DYNC2LI1: variants seen among roughly 807,000 people sequenced by gnomAD.
DYNC2LI1 encodes the protein cytoplasmic dynein 2 light intermediate chain 1.
A neutral mutation model predicts 51.9 loss-of-function variants in DYNC2LI1; 45 were observed. That is an observed-to-expected ratio of 0.87 (90% CI 0.68 to 1.11). DYNC2LI1 has a LOEUF of 1.11. Ranked by LOEUF, DYNC2LI1 falls within the 50% of genes most tolerant of loss-of-function variation. The pLI, the probability that DYNC2LI1 is intolerant of heterozygous loss-of-function variation, is 0.00. For synonymous variants in DYNC2LI1, 130 were observed against 137.8 expected (o/e 0.94, Z 0.40); for missense variants, 490 against 417.4 (o/e 1.17, Z -1.51).
At chr2:43,776,999 C>G (rs557835482) in intron 2 of DYNC2LI1, 100 bp downstream of exon 2, 2 of 612,730 alleles carry the variant, frequency 3.3e-6, no homozygotes, top group East Asian at 5.7e-5. Context: ...AACACTTTAA[C>G]CAGATGACCA....
the DYNC2LI1 span, chr2:43,826,364 A>G: frequency 6.2e-7 from 1 of 1,613,754 alleles, no homozygotes; most frequent in Non-Finnish European, 8.5e-7. Context: ...CCCGGCCTTT[A>G]CGAGTTGAAC....
At chr2:43,779,910 G>A (rs1673194218) in intron 2 of DYNC2LI1, among the ~76,000 whole-genome samples, 1 of 152,260 alleles carries the variant, frequency 6.6e-6, no homozygotes, top group Non-Finnish European at 1.5e-5. Flanking sequence ...GTGCAGGCAT[G>A]GAGGAGGAAG....
chr2:43,824,333 C>T, the DYNC2LI1 span: 1 of 1,614,174 alleles, frequency 6.2e-7, no homozygotes, highest in Non-Finnish European at 8.5e-7. Flanking sequence ...AGTTTTATGA[C>T]AAATTGCTGA....
At chr2:43,779,438 G>A (rs1673174174) in intron 2 of DYNC2LI1, among the ~76,000 whole-genome samples, 1 of 152,152 alleles carries the variant, frequency 6.6e-6, no homozygotes, top group Non-Finnish European at 1.5e-5. Context: ...TCATCCATTC[G>A]GTTGACATTG....
chr2:43,811,694 A>G (rs907814362), downstream of DYNC2LI1, among the ~76,000 whole-genome samples: 9 of 151,854 alleles, frequency 5.9e-5, no homozygotes, highest in Non-Finnish European at 1.3e-4. Flanking sequence ...TCCCAGGTTC[A>G]AGCGATTCTC....
chr2:43,820,322 T>C, the DYNC2LI1 span, among the ~76,000 whole-genome samples: 2 of 152,318 alleles, frequency 1.3e-5, no homozygotes, highest in South Asian at 4.1e-4. Flanking sequence ...GAGCCACCTT[T>C]TCCCTTTCAC....
intron 5 of DYNC2LI1, among the ~76,000 whole-genome samples, chr2:43,790,237 C>G (rs1042629279): frequency 3.9e-5 from 6 of 152,214 alleles, no homozygotes; most frequent in Admixed American, 3.9e-4. Flanking sequence ...AGGAAAACCT[C>G]AAAACGCTTG....
chr2:43,778,328 A>G (rs921944022), intron 2 of DYNC2LI1, among the ~76,000 whole-genome samples: 1 of 151,806 alleles, frequency 6.6e-6, no homozygotes, highest in Non-Finnish European at 1.5e-5. Flanking sequence ...AATTTTTTGT[A>G]TTTTTAATAG....
chr2:43,819,478 AG>A, the DYNC2LI1 span, among the ~76,000 whole-genome samples: 228 of 144,576 alleles, frequency 1.6e-3, 1 homozygote, highest in African/African-American at 5.9e-3. Flanking sequence ...TTTATCCTGC[AG>A]GCTTTTTTTT....
intron 2 of DYNC2LI1, among the ~76,000 whole-genome samples, chr2:43,782,322 T>A (rs1673327715): frequency 6.6e-6 from 1 of 152,084 alleles, no homozygotes; most frequent in Admixed American, 6.5e-5. Context: ...TTACAAAAAA[T>A]TTACTCAATT....
chr2:43,787,112 C>A, intron 3 of DYNC2LI1, 69 bp from the exon 4 acceptor site: 1 of 1,242,298 alleles, frequency 8.0e-7, no homozygotes, highest in Non-Finnish European at 1.2e-6. Flanking sequence ...AAAAATGAAT[C>A]AGGTAAGGTG....
At chr2:43,809,652 C>T (rs1666409428) in intron 12 of DYNC2LI1, 53 bp from the exon 13 acceptor site, 2 of 1,346,114 alleles carry the variant, frequency 1.5e-6, no homozygotes, top group Non-Finnish European at 2.1e-6. Context: ...TAAGGTGCCT[C>T]CTTGAATTAG....
intron 2 of DYNC2LI1, among the ~76,000 whole-genome samples, chr2:43,782,700 G>A (rs1673347536): frequency 6.6e-6 from 1 of 152,120 alleles, no homozygotes; most frequent in Non-Finnish European, 1.5e-5. Context: ...AGAAACTTGG[G>A]GTTGGGCATG....
the DYNC2LI1 span, among the ~76,000 whole-genome samples, chr2:43,817,979 T>A: frequency 6.6e-5 from 10 of 152,290 alleles, no homozygotes; most frequent in African/African-American, 2.4e-4. Flanking sequence ...CTTAGCCTGG[T>A]CTACCTTAAA....
At chr2:43,821,239 A>G in the DYNC2LI1 span, among the ~76,000 whole-genome samples, 3 of 152,152 alleles carry the variant, frequency 2.0e-5, no homozygotes, top group Non-Finnish European at 4.4e-5. Context: ...TGATGTTTAA[A>G]ACATCCTCTT....
chr2:43,826,420 C>A, the DYNC2LI1 span: 1 of 1,614,042 alleles, frequency 6.2e-7, no homozygotes, highest in Non-Finnish European at 8.5e-7. Flanking sequence ...ATGGTGAGAA[C>A]CACAATTCGG....
the DYNC2LI1 span, among the ~76,000 whole-genome samples, chr2:43,817,059 G>A: frequency 1.2e-4 from 18 of 152,226 alleles, no homozygotes; most frequent in Non-Finnish European, 2.1e-4. Flanking sequence ...TGACTAGCAG[G>A]TTGATGTGGC....
intron 1 of DYNC2LI1, 32 bp downstream of exon 1, chr2:43,774,178 GCTA>G (rs1558656232): frequency 3.1e-6 from 5 of 1,612,926 alleles, no homozygotes; most frequent in Admixed American, 1.7e-5. Flanking sequence ...CGTGGGAAAG[GCTA>G]CTGAGAGTAT....
chr2:43,818,485 G>C, the DYNC2LI1 span, among the ~76,000 whole-genome samples: 184 of 152,202 alleles, frequency 1.2e-3, 1 homozygote, highest in Admixed American at 9.8e-3. Flanking sequence ...TCTACAGAAC[G>C]AGTATCACTT....
Sources: allele counts gnomAD v4.1 joint callset (sites outside exome capture counted in the v4.1 genomes callset), GRCh38; gene constraint gnomAD v4.1.1; transcripts MANE v1.5; gene names NCBI Gene and HGNC (gene_info 2026-07-23, HGNC 2026-07-21).